Variants in CSMD1 observed in about 807,000 individuals in gnomAD.
The protein encoded by CSMD1 is CUB and Sushi multiple domains 1, also known as CUB and sushi domain-containing protein 1.
A neutral mutation model predicts 417.5 loss-of-function variants in CSMD1; 213 were observed. That is an observed-to-expected ratio of 0.51 (90% CI 0.46 to 0.57). CSMD1 has a LOEUF of 0.57. CSMD1 is among the 20% of genes least tolerant of loss of function. The pLI is 0.00. For synonymous variants in CSMD1, 2,862 were observed against 1,736.8 expected, an observed-to-expected ratio of 1.65 and a Z score of -16.11; for missense variants, 6,923 against 4,529.7, an observed-to-expected ratio of 1.53 and a Z score of -15.17.
chr8:4,352,962 A>G (rs1801185730), intron 3 of CSMD1, among the ~76,000 whole-genome samples: 1 of 152,250 alleles, frequency 6.6e-6, no homozygotes, highest in African/African-American at 2.4e-5. Context: ...TAATTATGGT[A>G]AATTCTACCA....
intron 10 of CSMD1, among the ~76,000 whole-genome samples, chr8:3,572,265 T>C (rs1266473899): frequency 6.6e-6 from 1 of 152,170 alleles, no homozygotes; most frequent in Non-Finnish European, 1.5e-5. Flanking sequence ...CCTGCAGGCT[T>C]TGCAAACTCT....
chr8:3,684,318 A>G (rs1217908841), intron 7 of CSMD1, among the ~76,000 whole-genome samples: 1 of 145,540 alleles, frequency 6.9e-6, no homozygotes, highest in Non-Finnish European at 1.5e-5. Flanking sequence ...TATAAAATAT[A>G]TAGCTATATG....
In CSMD1 at chr8:3,228,639, T is replaced by C. The variant is rs75996446; in HGVS notation, c.4345+1401A>G. Among the ~76,000 whole-genome samples the C allele has an allele frequency of 1.6e-3, 250 of 152,304 alleles. 4 individuals are homozygous for C. The East Asian group carries it at 0.037, about 22-fold the overall frequency. On this transcript the variant is annotated intron_variant, in intron 27 of 69. Transcript: ENST00000635120. The stretch of plus-strand genomic sequence containing the variant: ...ATCTAACAGAAGATCGATTTGTTTA[T>C]AGATTCATTAGGAGATGGCCAACTT...
chr8:3,895,779 G>T (rs373741803), intron 5 of CSMD1, among the ~76,000 whole-genome samples: 1 of 151,872 alleles, frequency 6.6e-6, no homozygotes, highest in South Asian at 2.1e-4. Flanking sequence ...TATTTCCTAC[G>T]GTCATAACTC....
At chr8:4,853,414 G>A (rs34825004) in intron 1 of CSMD1, among the ~76,000 whole-genome samples, 1 of 152,218 alleles carries the variant, frequency 6.6e-6, no homozygotes, top group Admixed American at 6.5e-5. Flanking sequence ...TGCTGCTTCA[G>A]AGGGTGCAAT....
At chr8:3,307,574 A>G in intron 25 of CSMD1, 121 bp downstream of exon 25, 1 of 1,177,700 alleles carries the variant, frequency 8.5e-7, no homozygotes, top group Non-Finnish European at 1.2e-6. Context: ...CTACAGCTTT[A>G]CCTTTTCTTC....
At chr8:3,996,006 T>C (rs1815184685) in intron 5 of CSMD1, among the ~76,000 whole-genome samples, 1 of 152,178 alleles carries the variant, frequency 6.6e-6, no homozygotes, top group Non-Finnish European at 1.5e-5. Context: ...GTGCTGATAC[T>C]CTCTATGACA....
intron 7 of CSMD1, among the ~76,000 whole-genome samples, chr8:3,652,246 G>A (rs1177334695): frequency 1.4e-5 from 2 of 146,740 alleles, no homozygotes; most frequent in African/African-American, 2.5e-5. Flanking sequence ...GCCTACCAAC[G>A]TCATTGCACT....
intron 2 of CSMD1, among the ~76,000 whole-genome samples, chr8:4,517,089 T>C (rs926330920): frequency 1.3e-5 from 2 of 152,248 alleles, no homozygotes; most frequent in East Asian, 3.8e-4. Flanking sequence ...ATTTAAATTA[T>C]GTTTTCAGCT....
chr8:3,452,503 T>C (rs1244921765), intron 12 of CSMD1, among the ~76,000 whole-genome samples: 2 of 152,212 alleles, frequency 1.3e-5, no homozygotes, highest in Non-Finnish European at 2.9e-5. Flanking sequence ...CAATACCTAA[T>C]TTACTGAGAG....
chr8:3,776,907 G>A (rs1415226892), intron 5 of CSMD1, among the ~76,000 whole-genome samples: 1 of 151,486 alleles, frequency 6.6e-6, no homozygotes, highest in Non-Finnish European at 1.5e-5. Context: ...CAGAGACGGG[G>A]TCTCACCATG....
intron 7 of CSMD1, among the ~76,000 whole-genome samples, chr8:3,705,373 C>T (rs1400061424): frequency 1.3e-5 from 2 of 152,174 alleles, no homozygotes; most frequent in Non-Finnish European, 2.9e-5. Context: ...TGGTGCTTCC[C>T]ACGGGCAGAA....
At chr8:4,259,292 G>C (rs118141372) in intron 3 of CSMD1, among the ~76,000 whole-genome samples, 1,787 of 152,174 alleles carry the variant, frequency 0.012, 87 homozygotes, top group Admixed American at 0.089. Context: ...CATTTGAAAT[G>C]AACAGTGTCT....
chr8:4,378,188 C>T (rs1438209), intron 3 of CSMD1, among the ~76,000 whole-genome samples: 124,181 of 152,182 alleles, frequency 0.82, 51,046 homozygotes, highest in African/African-American at 0.9. Context: ...CGACTCTAAT[C>T]GGCGTCCAAC....
At chr8:2,987,888 C>T (rs1026321615) in intron 54 of CSMD1, among the ~76,000 whole-genome samples, 1 of 152,148 alleles carries the variant, frequency 6.6e-6, no homozygotes. Context: ...CACATCACTG[C>T]AATTGGTTCA....
At chr8:3,908,687 C>G (rs961773002) in intron 5 of CSMD1, among the ~76,000 whole-genome samples, 1 of 149,982 alleles carries the variant, frequency 6.7e-6, no homozygotes, top group South Asian at 2.1e-4. Context: ...TGAAACAACT[C>G]TGGTGAAGCA....
intron 5 of CSMD1, among the ~76,000 whole-genome samples, chr8:3,854,270 A>C (rs1283764947): frequency 6.6e-6 from 1 of 151,400 alleles, no homozygotes; most frequent in African/African-American, 2.4e-5. Flanking sequence ...ACTCCAAAAT[A>C]TGATCAATAA....
At chr8:3,192,035 A>G (rs746367770) in intron 33 of CSMD1, among the ~76,000 whole-genome samples, 1 of 152,192 alleles carries the variant, frequency 6.6e-6, no homozygotes, top group African/African-American at 2.4e-5. Flanking sequence ...GACCAACGAC[A>G]GACATTATTT....
At chr8:4,375,848 C>A (rs553027307) in intron 3 of CSMD1, among the ~76,000 whole-genome samples, 26 of 152,184 alleles carry the variant, frequency 1.7e-4, no homozygotes, top group Admixed American at 5.2e-4. Context: ...ACTTCACAGT[C>A]ATCTAAATAA....
Sources: gnomAD v4.1 joint callset for allele counts (sites outside exome capture counted in the v4.1 genomes callset) on GRCh38, gnomAD v4.1.1 for gene constraint, MANE v1.5 for transcripts, NCBI Gene and HGNC (gene_info 2026-07-23, HGNC 2026-07-21) for gene names.